Variants in AHCY observed in about 807,000 individuals in gnomAD.
AHCY encodes adenosylhomocysteinase.
In AHCY, 24 loss-of-function variants were observed where a neutral mutation model predicts 45.4. The ratio of observed to expected loss-of-function variants is 0.53; its 90% CI spans 0.38 to 0.74. AHCY has a LOEUF of 0.74. Ranked by LOEUF, AHCY falls within the 30% of genes least tolerant of loss-of-function variation. The pLI is 0.00. For synonymous variants in AHCY, 245 were observed against 235.1 expected (o/e 1.04, Z -0.39); for missense variants, 449 against 594.1 (o/e 0.76, Z 2.54).
chr20:34,244,391 C>T, the AHCY span, among the ~76,000 whole-genome samples: 1 of 152,070 alleles, frequency 6.6e-6, no homozygotes. Context: ...AATTTATAGC[C>T]AGAATAAGAA....
At chr20:34,302,908 C>T (rs867811548) in intron 1 of AHCY, 9 of 985,446 alleles carry the variant, frequency 9.1e-6, no homozygotes, top group Non-Finnish European at 1.1e-5. Context: ...CGGGCGCAGG[C>T]CCCCCGAGCA....
the AHCY span, among the ~76,000 whole-genome samples, chr20:34,236,042 CAG>C: frequency 1.8e-5 from 2 of 109,902 alleles, no homozygotes; most frequent in African/African-American, 7.6e-5. Context: ...GAGAAAGAAA[CAG>C]AAAAGGAAGG....
intron 1 of AHCY, chr20:34,302,995 C>G (rs1422243559): frequency 2.0e-6 from 2 of 985,348 alleles, no homozygotes; most frequent in African/African-American, 1.7e-5. Context: ...GTTTGCGGCT[C>G]GCAGACCGCG....
chr20:34,236,298 G>A, the AHCY span, among the ~76,000 whole-genome samples: 55 of 152,324 alleles, frequency 3.6e-4, no homozygotes, highest in African/African-American at 1.3e-3. Flanking sequence ...CCAGCACTTT[G>A]GGAGGCCGAA....
chr20:34,275,236 G>A, the AHCY span, among the ~76,000 whole-genome samples: 4 of 150,734 alleles, frequency 2.7e-5, no homozygotes, highest in Non-Finnish European at 3.0e-5. Context: ...GGGTTCAAGC[G>A]ATTCTCCTAC....
upstream of AHCY, among the ~76,000 whole-genome samples, chr20:34,303,515 C>T (rs2036853624): frequency 6.6e-6 from 1 of 152,250 alleles, no homozygotes; most frequent in Non-Finnish European, 1.5e-5. Context: ...GAGTCTCACT[C>T]ACCGGTCCGG....
At chr20:34,258,368 C>G in the AHCY span, among the ~76,000 whole-genome samples, 1 of 146,540 alleles carries the variant, frequency 6.8e-6, no homozygotes, top group African/African-American at 2.5e-5. Context: ...TTAATAGAAT[C>G]ATTTAAAAAT....
the AHCY span, chr20:34,260,581 G>A: frequency 2.6e-6 from 4 of 1,545,580 alleles, no homozygotes; most frequent in Non-Finnish European, 3.5e-6. Flanking sequence ...GGGGCTGCAG[G>A]AGATCAAGCA....
At position 34,280,992 on chromosome 20, in the gene AHCY, G is replaced by A. The variant is rs57674168; in HGVS notation, c.*42C>T. 1.2e-6 allele frequency: 2 copies of A among 1,613,122 alleles called. No homozygotes were observed. The highest frequency in any genetic ancestry group is 1.1e-5 in the South Asian group (1 of 90,918). Reference sequence around the variant, plus strand: ...CTCTTAGGGAGGAGAGGTGGGGCCTGGGCAAGGACAGCAGCTGGAGGGTGA... The same window carrying A: ...CTCTTAGGGAGGAGAGGTGGGGCCTAGGCAAGGACAGCAGCTGGAGGGTGA... On this transcript the variant is annotated 3_prime_UTR_variant, in exon 10 of 10. Coordinates refer to ENST00000217426, the MANE Select transcript of AHCY (RefSeq NM_000687.4).
intron 1 of AHCY, among the ~76,000 whole-genome samples, chr20:34,310,492 A>G (rs1001046642): frequency 6.6e-6 from 1 of 152,252 alleles, no homozygotes; most frequent in Admixed American, 6.5e-5. Flanking sequence ...CACAACCTTA[A>G]TGAACAACAC....
intron 8 of AHCY, chr20:34,286,411 A>ATT (rs2036186464): frequency 6.6e-6 from 1 of 152,612 alleles, no homozygotes; most frequent in African/African-American, 2.4e-5. Flanking sequence ...GGAGGCTGCA[A>ATT]TTTGAGTCTG....
chr20:34,246,678 G>A, the AHCY span: 1 of 477,564 alleles, frequency 2.1e-6, no homozygotes, highest in Non-Finnish European at 3.9e-6. Flanking sequence ...GGCTGGTCTT[G>A]AACTCCTGAC....
At chr20:34,246,253 CT>C in the AHCY span, 29 of 1,550,916 alleles carry the variant, frequency 1.9e-5, no homozygotes, top group African/African-American at 3.8e-4. Flanking sequence ...TTCCACCTCT[CT>C]TCTGTTTTTT....
At chr20:34,305,848 G>A (rs765486701), upstream of AHCY, among the ~76,000 whole-genome samples, 8 of 152,074 alleles carry the variant, frequency 5.3e-5, no homozygotes, top group Non-Finnish European at 7.4e-5. Flanking sequence ...TTTGGAAGCC[G>A]GGGCGAGTGG....
chr20:34,283,996 T>TC (rs199923781), intron 9 of AHCY, among the ~76,000 whole-genome samples: 5,583 of 152,182 alleles, frequency 0.037, 140 homozygotes, highest in Admixed American at 0.069. Context: ...AAAGCAAAGT[T>TC]CACCTGTAAA....
chr20:34,257,641 A>G, the AHCY span, among the ~76,000 whole-genome samples: 1 of 152,338 alleles, frequency 6.6e-6, no homozygotes, highest in Middle Eastern at 3.4e-3. Flanking sequence ...AATTCTAGAC[A>G]GCATGATATA....
At chr20:34,262,997 AG>A in the AHCY span, 1 of 1,327,566 alleles carries the variant, frequency 7.5e-7, no homozygotes, top group Non-Finnish European at 1.1e-6. Context: ...AAGATTTTTC[AG>A]GCCTATATTA....
chr20:34,277,734 G>A (rs549481295), downstream of AHCY, among the ~76,000 whole-genome samples: 112 of 118,734 alleles, frequency 9.4e-4, 4 homozygotes, highest in South Asian at 0.024. Context: ...CAGCCTGGGC[G>A]ACAGAGCAAG....
At chr20:34,277,702 C>T (rs1482392130), downstream of AHCY, among the ~76,000 whole-genome samples, 2 of 148,416 alleles carry the variant, frequency 1.3e-5, no homozygotes, top group East Asian at 3.9e-4. Context: ...TTGCAGTGAG[C>T]CGAGATCGCG....
Sources: gnomAD v4.1 joint callset for allele counts (sites outside exome capture counted in the v4.1 genomes callset) on GRCh38, gnomAD v4.1.1 for gene constraint, MANE v1.5 for transcripts, NCBI Gene and HGNC (gene_info 2026-07-23, HGNC 2026-07-21) for gene names.